AFG1L: variants seen among roughly 807,000 people sequenced by gnomAD.
The protein encoded by AFG1L is AFG1 like ATPase, also known as AFG1-like ATPase.
Under a neutral mutation model 62.2 loss-of-function variants are expected in AFG1L, and 53 were observed. That is an observed-to-expected ratio of 0.85 (90% CI 0.68 to 1.07). The LOEUF is 1.07. AFG1L is among the 50% of genes least tolerant of loss of function. The probability of loss-of-function intolerance (pLI) is 0.00; values close to 1 mark genes in which losing one functional copy is unlikely to be tolerated. For synonymous variants in AFG1L, 228 were observed against 210.3 expected, an observed-to-expected ratio of 1.08 and a Z score of -0.73; for missense variants, 555 against 590.5, an observed-to-expected ratio of 0.94 and a Z score of 0.62.
In AFG1L at chr6:108,363,675, A is replaced by G. The variant is rs17069522; in HGVS notation, c.649-2558A>G. On this transcript the variant is annotated intron_variant, in intron 5 of 12. Transcript: ENST00000368977. Reference sequence around the variant, plus strand: ...TCTTCATATCTCTTCTGAGAGGGACACTAAATAGATGTTTTACTAATATGG... The same window carrying G: ...TCTTCATATCTCTTCTGAGAGGGACGCTAAATAGATGTTTTACTAATATGG... 5.5e-3 allele frequency among the ~76,000 whole-genome samples: 844 copies of G among 152,134 alleles called. 7 individuals carry two copies. The highest frequency in any genetic ancestry group is 0.02 in the African/African-American group (814 of 41,508).
intron 1 of AFG1L, among the ~76,000 whole-genome samples, chr6:108,317,788 A>G (rs913102914): frequency 2.0e-5 from 3 of 152,192 alleles, no homozygotes; most frequent in Non-Finnish European, 4.4e-5. Context: ...TTCATCCTAA[A>G]GTTAGCTTGG....
intron 8 of AFG1L, among the ~76,000 whole-genome samples, chr6:108,457,388 TATC>T (rs1487065360): frequency 1.1e-4 from 16 of 152,230 alleles, no homozygotes; most frequent in African/African-American, 3.6e-4. Context: ...ACCTTTAACT[TATC>T]ATAGCTTGCC....
intron 1 of AFG1L, among the ~76,000 whole-genome samples, chr6:108,306,638 C>T (rs1020681560): frequency 1.3e-5 from 2 of 152,158 alleles, no homozygotes; most frequent in Admixed American, 6.5e-5. Flanking sequence ...CTTCTTGTTG[C>T]CACCCATATG....
chr6:108,327,112 A>T (rs1778076583), intron 2 of AFG1L, among the ~76,000 whole-genome samples: 1 of 152,188 alleles, frequency 6.6e-6, no homozygotes, highest in African/African-American at 2.4e-5. Flanking sequence ...ACAAACAAAA[A>T]ATGAATGAAA....
chr6:108,485,837 G>T (rs1773553461), intron 10 of AFG1L, among the ~76,000 whole-genome samples: 2 of 148,526 alleles, frequency 1.3e-5, no homozygotes, highest in Non-Finnish European at 3.0e-5. Flanking sequence ...ATGCCCAACT[G>T]ATTTTAGTAT....
intron 7 of AFG1L, among the ~76,000 whole-genome samples, chr6:108,441,344 CAT>C (rs1463040742): frequency 1.3e-5 from 2 of 152,308 alleles, no homozygotes; most frequent in African/African-American, 2.4e-5. Context: ...GCCTTTGACA[CAT>C]GAGTATGCTC....
At chr6:108,454,328 C>G (rs1772171024) in intron 8 of AFG1L, among the ~76,000 whole-genome samples, 1 of 152,148 alleles carries the variant, frequency 6.6e-6, no homozygotes, top group African/African-American at 2.4e-5. Flanking sequence ...GACACTTGCA[C>G]AAAACAGAAG....
chr6:108,415,901 G>GCAATGGCAACAA (rs1562146521), intron 7 of AFG1L, among the ~76,000 whole-genome samples: 2 of 152,012 alleles, frequency 1.3e-5, no homozygotes, highest in African/African-American at 4.8e-5. Context: ...AATGGCAACA[G>GCAATGGCAACAA]AAGCCAAAAT....
intron 7 of AFG1L, among the ~76,000 whole-genome samples, chr6:108,428,690 C>T (rs1000883471): frequency 2.0e-5 from 3 of 152,036 alleles, no homozygotes; most frequent in African/African-American, 7.2e-5. Flanking sequence ...TTTGCATATC[C>T]CTGGCAGTTA....
At chr6:108,335,204 GA>G (rs1778432695) in intron 2 of AFG1L, among the ~76,000 whole-genome samples, 1 of 152,000 alleles carries the variant, frequency 6.6e-6, no homozygotes, top group African/African-American at 2.4e-5. Flanking sequence ...TTCCTGACCT[GA>G]AGTGATCTTC....
intron 10 of AFG1L, among the ~76,000 whole-genome samples, chr6:108,498,820 C>G (rs1774070496): frequency 6.6e-6 from 1 of 151,900 alleles, no homozygotes; most frequent in Admixed American, 6.6e-5. Flanking sequence ...ACTAAAAATA[C>G]AAAAATTAGA....
intron 2 of AFG1L, among the ~76,000 whole-genome samples, chr6:108,327,305 T>C (rs1778085412): frequency 6.6e-6 from 1 of 152,212 alleles, no homozygotes. Flanking sequence ...GGCATCTCCA[T>C]GACACAGCTA....
rs1254550533 is a variant in AFG1L at position 108,344,740 on chromosome 6, T to G, written c.364-2248T>G. The G allele has an allele frequency of 6.4e-6, 3 of 470,896 alleles. No individual in the cohort carries two copies. The East Asian group carries it at 2.1e-4, about 33-fold the overall frequency. The allele number at this position is 470,896 out of a possible 1,614,324, so 29.2% of individuals were successfully genotyped here. A position where few individuals can be genotyped will look rare whatever the true frequency, so the allele number is the denominator to read the frequency against. ...TCTGTTTTACCCTCCCTTTCTGAAC[T>G]CACTCCACCCTGTCATACCTTGTTT... is the stretch of plus-strand genomic sequence containing the variant. On this transcript the variant is annotated intron_variant, in intron 2 of 12. Coordinates refer to ENST00000368977, the MANE Select transcript of AFG1L (RefSeq NM_145315.5).
Position 108,330,184 on chromosome 6 carries a change from T to TA in AFG1L, c.363+6136_363+6137insA, listed in dbSNP as rs1554270735. 6.2e-3 allele frequency among the ~76,000 whole-genome samples: 860 copies of TA among 139,072 alleles called. 3 individuals carry two copies. Among genetic ancestry groups the TA allele is most frequent in the Middle Eastern group, 0.021 (6 of 284 alleles). The allele number at this position is 139,072 out of a possible 152,430, so 91.2% of individuals were successfully genotyped here. A position where few individuals can be genotyped will look rare whatever the true frequency, so the allele number is the denominator to read the frequency against. ...TGTAAGAAATAAATTCCTTTTTTATTTTTTTTTTTTTTTTGCGACTGAGTC... is the reference window on the plus strand; with the variant it reads ...TGTAAGAAATAAATTCCTTTTTTATTATTTTTTTTTTTTTTGCGACTGAGTC... On this transcript the variant is annotated intron_variant, in intron 2 of 12. Transcript: ENST00000368977.
Position 108,516,364 on chromosome 6 carries a change from C to A in AFG1L, c.1204-3333C>A, listed in dbSNP as rs1409176685. 2.0e-5 allele frequency among the ~76,000 whole-genome samples: 3 copies of A among 151,990 alleles called. No homozygotes were observed. The East Asian group carries it at 5.8e-4, about 29-fold the overall frequency. On this transcript the variant is annotated intron_variant, in intron 11 of 12. Coordinates refer to ENST00000368977, the MANE Select transcript of AFG1L (RefSeq NM_145315.5). ...GGTTCAACATACACAAATCAATAAACGTAATCCAGCATATCTACAGAACCA... is the reference window on the plus strand; with the variant it reads ...GGTTCAACATACACAAATCAATAAAAGTAATCCAGCATATCTACAGAACCA...
At chr6:108,460,672 T>G (rs75648398) in intron 8 of AFG1L, among the ~76,000 whole-genome samples, 6,706 of 152,192 alleles carry the variant, frequency 0.044, 222 homozygotes, top group South Asian at 0.11. Flanking sequence ...GCTCAAGAAG[T>G]CCTGGCCAGG....
Position 108,510,300 on chromosome 6 carries a change from G to A in AFG1L, c.1151G>A (p.Arg384Lys). 6.2e-7 allele frequency: 1 copy of A among 1,612,294 alleles called. No homozygotes were observed. Among genetic ancestry groups the A allele is most frequent in the Non-Finnish European group, 8.5e-7 (1 of 1,178,974 alleles). Residue 384 changes from arginine (R) to lysine (K), a missense_variant, in exon 11 of 13, where the codon AGG (arginine) becomes AAG (lysine). Transcript: ENST00000368977. Reference sequence around the variant, plus strand: ...ATTCCGCAATTTACTCTGGCAAACAGGACTCAAGGTCGAAGATTCATAACT... The same window carrying A: ...ATTCCGCAATTTACTCTGGCAAACAAGACTCAAGGTCGAAGATTCATAACT... The part of the protein sequence containing the change: ...RNIPQFTLAN[R>K]TQGRRFITLI...
intron 7 of AFG1L, among the ~76,000 whole-genome samples, chr6:108,431,451 T>C (rs1771068354): frequency 6.6e-6 from 1 of 152,118 alleles, no homozygotes; most frequent in Admixed American, 6.5e-5. Context: ...AAATACTATA[T>C]TTTACAAGAG....
chr6:108,521,832 C>T (rs1775137304), intron 12 of AFG1L: 1 of 153,260 alleles, frequency 6.5e-6, no homozygotes, highest in African/African-American at 2.4e-5. Flanking sequence ...GCCTTTCAGC[C>T]CTGGCTTTTA....
Sources: gnomAD v4.1 joint callset for allele counts (sites outside exome capture counted in the v4.1 genomes callset) on GRCh38, gnomAD v4.1.1 for gene constraint, MANE v1.5 for transcripts, NCBI Gene and HGNC (gene_info 2026-07-23, HGNC 2026-07-21) for gene names.